The following CHN2 variants were observed in gnomAD, a reference collection of about 807,000 sequenced individuals.
CHN2 encodes the protein beta-chimaerin.
A neutral mutation model predicts 56.3 loss-of-function variants in CHN2; 35 were observed. That is an observed-to-expected ratio of 0.62 (90% CI 0.47 to 0.82). CHN2 has a LOEUF of 0.82. CHN2 is among the 40% of genes least tolerant of loss of function. The pLI, the probability that CHN2 is intolerant of heterozygous loss-of-function variation, is 0.00. For synonymous variants in CHN2, 210 were observed against 212.8 expected, an observed-to-expected ratio of 0.99 and a Z score of 0.12; for missense variants, 491 against 580.5, an observed-to-expected ratio of 0.85 and a Z score of 1.58.
chr7:29,392,344 C>A (rs1398790497), intron 3 of CHN2, among the ~76,000 whole-genome samples: 1 of 152,174 alleles, frequency 6.6e-6, no homozygotes, highest in Non-Finnish European at 1.5e-5. Flanking sequence ...TAATGGCACA[C>A]ATCATTTATA....
intron 3 of CHN2, among the ~76,000 whole-genome samples, chr7:29,383,608 A>G (rs1157011109): frequency 1.3e-5 from 2 of 152,228 alleles, no homozygotes; most frequent in African/African-American, 4.8e-5. Flanking sequence ...GACACATAAA[A>G]TTGATCATCA....
chr7:29,493,987 T>G (rs868463945), intron 7 of CHN2, among the ~76,000 whole-genome samples: 4 of 152,210 alleles, frequency 2.6e-5, no homozygotes, highest in Non-Finnish European at 5.9e-5. Context: ...TATCCTACCT[T>G]CAGCTTCACT....
intron 7 of CHN2, among the ~76,000 whole-genome samples, chr7:29,485,373 T>C (rs1282196619): frequency 6.6e-6 from 1 of 152,226 alleles, no homozygotes; most frequent in East Asian, 1.9e-4. Context: ...GACAGGGCTC[T>C]GTGCAACAGC....
intron 1 of CHN2, among the ~76,000 whole-genome samples, chr7:29,346,977 C>T (rs915099839): frequency 6.6e-6 from 1 of 152,082 alleles, no homozygotes; most frequent in Non-Finnish European, 1.5e-5. Flanking sequence ...CGTGTGGATT[C>T]GCGTATGTTC....
chr7:29,485,376 G>T (rs553712362), intron 7 of CHN2, among the ~76,000 whole-genome samples: 268 of 152,288 alleles, frequency 1.8e-3, no homozygotes, highest in Non-Finnish European at 2.9e-3. Context: ...AGGGCTCTGT[G>T]CAACAGCGCA....
At chr7:29,201,585 C>T (rs1277922548) in intron 1 of CHN2, among the ~76,000 whole-genome samples, 1 of 152,172 alleles carries the variant, frequency 6.6e-6, no homozygotes, top group African/African-American at 2.4e-5. Context: ...CTGTGTATAG[C>T]TGTGTTGTCC....
At chr7:29,492,737 A>G (rs1470485498) in intron 7 of CHN2, among the ~76,000 whole-genome samples, 1 of 152,170 alleles carries the variant, frequency 6.6e-6, no homozygotes, top group Non-Finnish European at 1.5e-5. Flanking sequence ...TACCTTCTTC[A>G]GTTCAGTTGA....
chr7:29,447,589 T>C (rs1270391037), intron 6 of CHN2, among the ~76,000 whole-genome samples: 1 of 152,120 alleles, frequency 6.6e-6, no homozygotes, highest in African/African-American at 2.4e-5. Context: ...TCCAAGAATC[T>C]TAGCAAGTCC....
intron 1 of CHN2, among the ~76,000 whole-genome samples, chr7:29,291,290 G>C (rs543695117): frequency 6.6e-6 from 1 of 152,080 alleles, no homozygotes; most frequent in Non-Finnish European, 1.5e-5. Flanking sequence ...GGAGCCAGCC[G>C]TTCCCTGGCA....
intron 2 of CHN2, among the ~76,000 whole-genome samples, chr7:29,362,745 C>T (rs534370197): frequency 6.6e-6 from 1 of 152,256 alleles, no homozygotes; most frequent in South Asian, 2.1e-4. Context: ...CTGCCTCTTC[C>T]CTTGGGAAGT....
intron 2 of CHN2, among the ~76,000 whole-genome samples, chr7:29,356,692 TC>T (rs1798339858): frequency 6.6e-6 from 1 of 152,182 alleles, no homozygotes; most frequent in African/African-American, 2.4e-5. Context: ...AGTCTGTTCT[TC>T]CATCTGTGAA....
At chr7:29,259,235 G>A (rs1789338363) in intron 1 of CHN2, among the ~76,000 whole-genome samples, 2 of 151,962 alleles carry the variant, frequency 1.3e-5, no homozygotes, top group Non-Finnish European at 1.5e-5. Flanking sequence ...GGCTGAGGTG[G>A]GAGAATTACT....
chr7:29,354,972 ATTTT>A (rs869304476), intron 2 of CHN2, among the ~76,000 whole-genome samples: 35 of 135,316 alleles, frequency 2.6e-4, no homozygotes, highest in African/African-American at 8.9e-4. Flanking sequence ...TTATTTATTT[ATTTT>A]TTATTTATTG....
At chr7:29,288,069 T>A (rs775494591) in intron 1 of CHN2, among the ~76,000 whole-genome samples, 2 of 152,082 alleles carry the variant, frequency 1.3e-5, no homozygotes, top group Non-Finnish European at 2.9e-5. Flanking sequence ...AAATAAACTA[T>A]GAAAAATTAA....
intron 2 of CHN2, among the ~76,000 whole-genome samples, chr7:29,158,805 A>G (rs1794783310): frequency 6.6e-6 from 1 of 152,202 alleles, no homozygotes; most frequent in African/African-American, 2.4e-5. Context: ...ACCCTATTTT[A>G]AATATTTACA....
At chr7:29,229,105 C>T (rs1344742779) in intron 1 of CHN2, among the ~76,000 whole-genome samples, 1 of 152,126 alleles carries the variant, frequency 6.6e-6, no homozygotes, top group African/African-American at 2.4e-5. Context: ...CGCTGTTGAC[C>T]TCCTTCTTGC....
chr7:29,398,050 TA>T (rs200782763), intron 4 of CHN2: 2 of 97,868 alleles, frequency 2.0e-5, no homozygotes, highest in East Asian at 1.6e-4. Context: ...TTCCCATGGT[TA>T]AAAAAAAGGG....
At chr7:29,414,855 T>C (rs117930353) in intron 6 of CHN2, among the ~76,000 whole-genome samples, 44 of 152,260 alleles carry the variant, frequency 2.9e-4, no homozygotes, top group Non-Finnish European at 4.4e-4. Context: ...CCCAGGCTCC[T>C]GTCCTGACTT....
rs991671136 is a variant in CHN2 at position 29,195,146 on chromosome 7, G to A, written c.49+156G>A. The A allele has an allele frequency of 4.4e-5, 30 of 676,730 alleles. No individual in the cohort carries two copies. The East Asian group carries it at 1.0e-3, about 23-fold the overall frequency. The allele number at this position is 676,730 out of a possible 1,614,324, so 41.9% of individuals were successfully genotyped here. A position where few individuals can be genotyped will look rare whatever the true frequency, so the allele number is the denominator to read the frequency against. ...GGGGTGATACTTGTTTGGTTCGCCA[G>A]CACCTCGGTGCCCAGAGCACCTCCG... On this transcript the variant is annotated intron_variant, in intron 1 of 12. Coordinates refer to ENST00000222792, the MANE Select transcript of CHN2 (RefSeq NM_004067.4).
Sources: gnomAD v4.1 joint callset for allele counts (sites outside exome capture counted in the v4.1 genomes callset) on GRCh38, gnomAD v4.1.1 for gene constraint, MANE v1.5 for transcripts, NCBI Gene and HGNC (gene_info 2026-07-23, HGNC 2026-07-21) for gene names.